The following FHAD1 variants were observed in gnomAD, a reference collection of about 807,000 sequenced individuals.
FHAD1 encodes the protein forkhead associated phosphopeptide binding domain 1, also known as forkhead-associated domain-containing protein 1.
A neutral mutation model predicts 191.3 loss-of-function variants in FHAD1; 146 were observed. The ratio of observed to expected loss-of-function variants is 0.76; its 90% CI spans 0.67 to 0.88. The LOEUF is 0.88. FHAD1 is among the 40% of genes least tolerant of loss of function. FHAD1 has a pLI of 0.00. For synonymous variants in FHAD1, 616 were observed against 672.3 expected (o/e 0.92, Z 1.29); for missense variants, 1,635 against 1,785.8 (o/e 0.92, Z 1.52).
Position 15,365,959 on chromosome 1 carries a change from G to A in FHAD1, c.3154+26G>A, listed in dbSNP as rs545041558. On this transcript the variant is annotated intron_variant, in intron 24 of 33. Transcript: ENST00000688493. ...GTTTGAACAATTTCTGGTGTCTCTTGACCTCCTGACCCACTCGAGAAAGGA... is the reference window on the plus strand; with the variant it reads ...GTTTGAACAATTTCTGGTGTCTCTTAACCTCCTGACCCACTCGAGAAAGGA... 9.4e-5 allele frequency: 134 copies of A among 1,429,306 alleles called. 1 individual carries two copies. The East Asian group carries it at 2.5e-3, about 27-fold the overall frequency. The allele number at this position is 1,429,306 out of a possible 1,614,324, so 88.5% of individuals were successfully genotyped here. A position where few individuals can be genotyped will look rare whatever the true frequency, so the allele number is the denominator to read the frequency against.
chr1:15,345,080 C>T lies in FHAD1; in HGVS notation c.2131-3C>T, dbSNP rs1004703359. 1 of 1,550,246 alleles carries T rather than the reference C, an allele frequency of 6.5e-7. No individual in the cohort carries two copies. The highest frequency in any genetic ancestry group is 8.7e-7 in the Non-Finnish European group (1 of 1,145,780). ...CTGTTAAACAATGGTCATTGGTTTCCAGGCTTTGGAGGAGTACATTACTCA... is the reference window on the plus strand; with the variant it reads ...CTGTTAAACAATGGTCATTGGTTTCTAGGCTTTGGAGGAGTACATTACTCA... On this transcript the variant is annotated splice_region_variant and splice_polypyrimidine_tract_variant and intron_variant, in intron 16 of 33. Transcript: ENST00000688493.
chr1:15,255,685 A>G (rs1647699016), intron 2 of FHAD1, among the ~76,000 whole-genome samples: 1 of 139,106 alleles, frequency 7.2e-6, no homozygotes, highest in Non-Finnish European at 1.6e-5. Flanking sequence ...AGCCTACGTC[A>G]GGGCTCTAAA....
chr1:15,380,451 G>A (rs1700649980), intron 28 of FHAD1, among the ~76,000 whole-genome samples: 1 of 152,228 alleles, frequency 6.6e-6, no homozygotes, highest in South Asian at 2.1e-4. Context: ...AGGGAAGACA[G>A]GCGGTGATCA....
At chr1:15,348,275 A>T (rs570713684) in intron 18 of FHAD1, among the ~76,000 whole-genome samples, 38 of 152,342 alleles carry the variant, frequency 2.5e-4, no homozygotes, top group Admixed American at 2.0e-3. Flanking sequence ...ACCAGTGGTT[A>T]TAATGGAAAC....
chr1:15,262,015 A>G (rs1651302887), intron 2 of FHAD1, among the ~76,000 whole-genome samples: 1 of 152,094 alleles, frequency 6.6e-6, no homozygotes, highest in African/African-American at 2.4e-5. Context: ...TGTTTTTAGC[A>G]CACACGCACA....
At chr1:15,268,502 T>A (rs1333741842) in intron 2 of FHAD1, among the ~76,000 whole-genome samples, 7 of 124,468 alleles carry the variant, frequency 5.6e-5, no homozygotes, top group African/African-American at 1.4e-4. Context: ...GTCCTTTGGG[T>A]ATATACCCAG....
rs1189763719 is a variant in FHAD1, at chr1:15,318,925, C to A, written c.1365+997C>A. Among the ~76,000 whole-genome samples, 1 of 152,114 alleles carries A rather than the reference C, an allele frequency of 6.6e-6. No individual in the cohort carries two copies. Among genetic ancestry groups the A allele is most frequent in the South Asian group, 2.1e-4 (1 of 4,830 alleles). On this transcript the variant is annotated intron_variant, in intron 10 of 33. Transcript: ENST00000688493. The surrounding 1 kb of genome is among the most constrained non-coding windows in gnomAD (Gnocchi z 4.1). ...GAGTCCTGAGCAGTGTGGACAGAAT[C>A]TCTTTCTTTCCATTTGAATCATCTA...
chr1:15,309,585 C>T (rs74589850), intron 7 of FHAD1, among the ~76,000 whole-genome samples: 8,758 of 151,974 alleles, frequency 0.058, 266 homozygotes, highest in African/African-American at 0.081. Flanking sequence ...CCACGACCTG[C>T]GGGCCACATA....
At chr1:15,339,382 C>A in intron 14 of FHAD1, 99 bp from the exon 15 acceptor site, 1 of 466,478 alleles carries the variant, frequency 2.1e-6, no homozygotes, top group Non-Finnish European at 3.8e-6. Flanking sequence ...TGGCAGCTCA[C>A]GTTGTTTTGA....
intron 21 of FHAD1, 90 bp from the exon 22 acceptor site, chr1:15,360,388 T>C (rs1344998440): frequency 8.5e-7 from 1 of 1,182,424 alleles, no homozygotes; most frequent in Non-Finnish European, 1.2e-6. Context: ...GGGGCCCAGT[T>C]TAGCACCTAT....
At chr1:15,306,318 C>G (rs574158037) in intron 6 of FHAD1, among the ~76,000 whole-genome samples, 2 of 152,260 alleles carry the variant, frequency 1.3e-5, no homozygotes, top group East Asian at 3.9e-4. Context: ...TAAAAGCATT[C>G]CATTTTAAAA....
chr1:15,310,209 G>A (rs1178880288), intron 7 of FHAD1, among the ~76,000 whole-genome samples: 4 of 152,204 alleles, frequency 2.6e-5, no homozygotes, highest in South Asian at 2.1e-4. Flanking sequence ...AAACATGCCC[G>A]TGGCTGTGAA....
At chr1:15,360,742 G>A in intron 22 of FHAD1, 39 bp downstream of exon 22, 1 of 1,522,954 alleles carries the variant, frequency 6.6e-7, no homozygotes, top group Middle Eastern at 1.7e-4. Context: ...TTAGTGTTCG[G>A]GGCAGGTTCT....
rs1002732620 is a variant in FHAD1 at position 15,289,011 on chromosome 1, G to A, written c.301-388G>A. Among the ~76,000 whole-genome samples, 3 of 152,144 alleles carry A rather than the reference G, an allele frequency of 2.0e-5. No homozygotes were observed. The highest frequency in any genetic ancestry group is 7.2e-5 in the African/African-American group (3 of 41,448). On this transcript the variant is annotated intron_variant, in intron 3 of 33. Coordinates refer to ENST00000688493, the MANE Select transcript of FHAD1 (RefSeq NM_001391957.1). The surrounding 1 kb of genome is among the most constrained non-coding windows in gnomAD (Gnocchi z 4.2). ...TTTGTTTGTTTATTTTTGAGACAGA[G>A]TCTCATTCTGTCGCCCAGGATGGAG...
Position 15,394,556 on chromosome 1 carries a change from G to A in FHAD1, c.4324-2741G>A, listed in dbSNP as rs577921964. On this transcript the variant is annotated intron_variant, in intron 33 of 33. Transcript: ENST00000688493. ...TCTTGAATGCAGAGTCTCAAAACAC[G>A]TTTGAGGCTCCTGTCAGCCACTGTC... Among the ~76,000 whole-genome samples, 8 of 152,216 alleles carry A rather than the reference G, an allele frequency of 5.3e-5. No individual in the cohort carries two copies. The South Asian group carries it at 8.3e-4, about 16-fold the overall frequency.
At chr1:15,326,729 T>G in intron 11 of FHAD1, 1 of 210,222 alleles carries the variant, frequency 4.8e-6, no homozygotes, top group Admixed American at 5.8e-5. Flanking sequence ...AACTTAGCAA[T>G]TACGGAAGAG....
chr1:15,338,886 AC>A (rs1169868424), intron 14 of FHAD1, among the ~76,000 whole-genome samples: 2 of 152,244 alleles, frequency 1.3e-5, no homozygotes, highest in East Asian at 3.9e-4. Context: ...TTGGCTTTAG[AC>A]CATCCCCCAC....
intron 25 of FHAD1, among the ~76,000 whole-genome samples, chr1:15,368,112 C>T (rs1050370618): frequency 2.0e-5 from 3 of 152,164 alleles, no homozygotes; most frequent in African/African-American, 2.4e-5. Context: ...GCTGGGACTA[C>T]AGGCATGAGC....
At chr1:15,388,415 C>T (rs1702884561) in intron 32 of FHAD1, 2 of 1,242,720 alleles carry the variant, frequency 1.6e-6, no homozygotes, top group South Asian at 2.7e-5. Context: ...CCCCGTCTGT[C>T]CATTAAGGTG....
Sources: gnomAD v4.1 joint callset for allele counts (sites outside exome capture counted in the v4.1 genomes callset) on GRCh38, gnomAD v4.1.1 for gene constraint, Gnocchi (gnomAD v3.1) non-coding constraint, MANE v1.5 for transcripts, NCBI Gene and HGNC (gene_info 2026-07-23, HGNC 2026-07-21) for gene names.